The following HDAC9 variants were observed in gnomAD, a reference collection of about 807,000 sequenced individuals.
HDAC9 encodes histone deacetylase 9.
HDAC9 carries 41 observed loss-of-function variants against 139.4 expected under a neutral mutation model. The ratio of observed to expected loss-of-function variants is 0.29; its 90% CI spans 0.23 to 0.38. The LOEUF (loss-of-function observed/expected upper bound fraction) is 0.38. Ranked by LOEUF, HDAC9 falls within the 10% of genes least tolerant of loss-of-function variation. HDAC9 has a pLI of 1.00. For synonymous variants in HDAC9, 517 were observed against 476.2 expected, an observed-to-expected ratio of 1.09 and a Z score of -1.12; for missense variants, 1,147 against 1,297.0, an observed-to-expected ratio of 0.88 and a Z score of 1.78.
At chr7:18,430,011 T>C (rs1790493401) in intron 1 of HDAC9, among the ~76,000 whole-genome samples, 1 of 152,248 alleles carries the variant, frequency 6.6e-6, no homozygotes, top group Non-Finnish European at 1.5e-5. Flanking sequence ...AGGTATTTAA[T>C]ATTTGAAATT....
At chr7:18,871,211 C>A (rs932027319) in intron 21 of HDAC9, among the ~76,000 whole-genome samples, 1 of 152,110 alleles carries the variant, frequency 6.6e-6, no homozygotes, top group Non-Finnish European at 1.5e-5. Context: ...TCAGCTTTGG[C>A]CATTGAAAGT....
intron 2 of HDAC9, chr7:18,509,475 G>A (rs1800799875): frequency 4.1e-6 from 4 of 982,542 alleles, no homozygotes; most frequent in Non-Finnish European, 4.8e-6. Context: ...TTTCCCCCGA[G>A]TGATTATCTC....
At chr7:18,545,537 T>G (rs1814495714) in intron 2 of HDAC9, among the ~76,000 whole-genome samples, 1 of 152,088 alleles carries the variant, frequency 6.6e-6, no homozygotes, top group South Asian at 2.1e-4. Context: ...AGTAAAAAAT[T>G]ATGGATATGC....
chr7:18,605,882 G>C (rs554378695), intron 6 of HDAC9, among the ~76,000 whole-genome samples: 1 of 151,526 alleles, frequency 6.6e-6, no homozygotes, highest in Non-Finnish European at 1.5e-5. Context: ...GGATTTCATC[G>C]TGTTAGCCAG....
chr7:18,927,520 A>G (rs1410524528), intron 22 of HDAC9, among the ~76,000 whole-genome samples: 2 of 152,162 alleles, frequency 1.3e-5, no homozygotes, highest in Non-Finnish European at 2.9e-5. Flanking sequence ...ACTTCCCTGG[A>G]TGTGCATTCT....
chr7:18,674,372 C>G (rs1390277644), intron 12 of HDAC9, among the ~76,000 whole-genome samples: 1 of 152,046 alleles, frequency 6.6e-6, no homozygotes, highest in Non-Finnish European at 1.5e-5. Context: ...TATCAGAGAG[C>G]TACAGTCTTC....
At chr7:18,972,305 C>T (rs1182522281) in intron 24 of HDAC9, among the ~76,000 whole-genome samples, 3 of 151,062 alleles carry the variant, frequency 2.0e-5, no homozygotes, top group Non-Finnish European at 4.4e-5. Context: ...TGACTTCTTC[C>T]GGATTAGTGT....
At chr7:18,435,251 C>T (rs918188995) in intron 1 of HDAC9, among the ~76,000 whole-genome samples, 4 of 151,754 alleles carry the variant, frequency 2.6e-5, no homozygotes, top group African/African-American at 4.8e-5. Flanking sequence ...GTGGGGCCTA[C>T]GTGAGGGTGA....
chr7:18,695,679 C>T (rs912432252), intron 12 of HDAC9, among the ~76,000 whole-genome samples: 3 of 152,074 alleles, frequency 2.0e-5, no homozygotes, highest in African/African-American at 4.8e-5. Flanking sequence ...TGAGAATGAA[C>T]GGGTGGTTTA....
At chr7:18,115,608 G>A (rs1192248447) in intron 1 of HDAC9, among the ~76,000 whole-genome samples, 1 of 152,134 alleles carries the variant, frequency 6.6e-6, no homozygotes. Flanking sequence ...CTCCTTTTGA[G>A]GAATTTGATG....
chr7:18,643,557 G>A (rs1786408255), intron 8 of HDAC9, among the ~76,000 whole-genome samples: 2 of 152,004 alleles, frequency 1.3e-5, no homozygotes, highest in African/African-American at 2.4e-5. Context: ...CTGTGTTTTG[G>A]TGGTGCATCA....
intron 1 of HDAC9, among the ~76,000 whole-genome samples, chr7:18,488,008 G>T (rs1563038343): frequency 6.6e-6 from 1 of 152,044 alleles, no homozygotes; most frequent in South Asian, 2.1e-4. Context: ...AATATTAAAT[G>T]TGCAGCTACA....
chr7:18,121,644 G>C (rs1784371442), intron 1 of HDAC9, among the ~76,000 whole-genome samples: 1 of 151,848 alleles, frequency 6.6e-6, no homozygotes. Context: ...GCAGTACACA[G>C]AGATGTGCTC....
intron 1 of HDAC9, chr7:18,087,299 G>A (rs1781856991): frequency 1.3e-5 from 2 of 152,174 alleles, no homozygotes; most frequent in African/African-American, 2.4e-5. Flanking sequence ...GATGCGCCGC[G>A]GTATTCCCTT....
intron 25 of HDAC9, among the ~76,000 whole-genome samples, chr7:18,976,853 T>C (rs78872508): frequency 0.16 from 24,225 of 152,124 alleles, 2,143 homozygotes; most frequent in African/African-American, 0.24. Flanking sequence ...AAATTGCTCC[T>C]GAGAAGGAAA....
At chr7:18,515,096 AAG>A (rs1363431730) in intron 2 of HDAC9, among the ~76,000 whole-genome samples, 1 of 152,306 alleles carries the variant, frequency 6.6e-6, no homozygotes, top group African/African-American at 2.4e-5. Flanking sequence ...TAAAAACAGA[AAG>A]AGAGATTATA....
intron 1 of HDAC9, among the ~76,000 whole-genome samples, chr7:18,455,718 C>A (rs923859862): frequency 6.6e-6 from 1 of 152,112 alleles, no homozygotes; most frequent in Non-Finnish European, 1.5e-5. Context: ...ACAGTTGGGT[C>A]ACAAATTATG....
At chr7:18,889,789 C>T (rs978029377) in intron 22 of HDAC9, among the ~76,000 whole-genome samples, 2 of 152,178 alleles carry the variant, frequency 1.3e-5, no homozygotes, top group African/African-American at 4.8e-5. Context: ...CCTTTAGCTC[C>T]TGGGCTCAAG....
intron 23 of HDAC9, 28 bp from the exon 24 acceptor site, chr7:18,954,118 C>T: frequency 1.4e-6 from 2 of 1,459,970 alleles, no homozygotes; most frequent in Non-Finnish European, 9.4e-7. Flanking sequence ...TAATATTCTG[C>T]TCATACTATT....
Sources: gnomAD v4.1 joint callset for allele counts (sites outside exome capture counted in the v4.1 genomes callset) on GRCh38, gnomAD v4.1.1 for gene constraint, MANE v1.5 for transcripts, NCBI Gene and HGNC (gene_info 2026-07-23, HGNC 2026-07-21) for gene names.